Variants in ZFHX3 observed in about 807,000 individuals in gnomAD.
ZFHX3 encodes the protein zinc finger homeobox 3.
Under a neutral mutation model 279.1 loss-of-function variants are expected in ZFHX3, and 42 were observed. The ratio of observed to expected loss-of-function variants is 0.15; its 90% confidence interval spans 0.12 to 0.19. The LOEUF (loss-of-function observed/expected upper bound fraction) is 0.19, where lower values mean the gene tolerates loss of function less well. ZFHX3 is among the 10% of genes least tolerant of loss of function. The pLI is 1.00. For missense variants in ZFHX3, 4,981 were observed against 4,754.0 expected (o/e 1.05, Z -1.40); for synonymous variants, 2,293 against 1,957.8 (o/e 1.17, Z -4.52).
intron 5 of ZFHX3, among the ~76,000 whole-genome samples, chr16:73,192,827 C>T (rs1373092930): frequency 1.3e-5 from 2 of 152,168 alleles, no homozygotes; most frequent in African/African-American, 4.8e-5. Flanking sequence ...CATTTCCTTC[C>T]CTCTCCTTTT....
At chr16:73,593,992 C>T (rs1255572160) in intron 2 of ZFHX3, among the ~76,000 whole-genome samples, 2 of 152,088 alleles carry the variant, frequency 1.3e-5, no homozygotes, top group African/African-American at 2.4e-5. Context: ...AGAACGGGTA[C>T]CCACTCTTGT....
intron 2 of ZFHX3, chr16:73,679,868 A>G (rs1222213586): frequency 2.6e-5 from 4 of 152,230 alleles, no homozygotes; most frequent in Non-Finnish European, 5.9e-5. Flanking sequence ...CTACCCACCA[A>G]CAAAATCTTT....
chr16:73,031,110 C>A (rs1567641586), intron 1 of ZFHX3, among the ~76,000 whole-genome samples: 1 of 152,118 alleles, frequency 6.6e-6, no homozygotes, highest in South Asian at 2.1e-4. Context: ...CCCAATACTC[C>A]CAAGAGGTCA....
At chr16:73,508,762 T>A (rs1361584524) in intron 2 of ZFHX3, among the ~76,000 whole-genome samples, 1 of 152,204 alleles carries the variant, frequency 6.6e-6, no homozygotes, top group Non-Finnish European at 1.5e-5. Flanking sequence ...ATGAATACTG[T>A]GACTTAGTGA....
intron 6 of ZFHX3, among the ~76,000 whole-genome samples, chr16:73,142,415 T>C (rs369946245): frequency 2.0e-5 from 3 of 152,342 alleles, no homozygotes; most frequent in African/African-American, 7.2e-5. Flanking sequence ...AGAAGAACTG[T>C]TACCTTTGAA....
At position 72,807,524 on chromosome 16, in the gene ZFHX3, C is replaced by T. The variant is rs533248867; in HGVS notation, c.3864+4053G>A. 3.3e-5 allele frequency: 5 copies of T among 152,320 alleles called. No homozygotes were observed. The East Asian group carries it at 9.7e-4, about 29-fold the overall frequency. The allele number at this position is 152,320 out of a possible 1,614,324, so 9.4% of individuals were successfully genotyped here. A position where few individuals can be genotyped will look rare whatever the true frequency, so the allele number is the denominator to read the frequency against. On this transcript the variant is annotated intron_variant, in intron 7 of 9. Transcript: ENST00000268489. Reference sequence around the variant, plus strand: ...ACCATAGCAACAGACATATTAGACACTGCAGGTTCCTGAAAGCTGTCTGAT... The same window carrying T: ...ACCATAGCAACAGACATATTAGACATTGCAGGTTCCTGAAAGCTGTCTGAT...
chr16:73,733,007 G>C (rs1426655646), intron 1 of ZFHX3, among the ~76,000 whole-genome samples: 1 of 152,122 alleles, frequency 6.6e-6, no homozygotes, highest in Non-Finnish European at 1.5e-5. Flanking sequence ...AAGATCTACA[G>C]CAGTTTATTT....
chr16:73,176,362 G>A (rs71388959), intron 5 of ZFHX3, among the ~76,000 whole-genome samples: 3,241 of 152,256 alleles, frequency 0.021, 51 homozygotes, highest in Middle Eastern at 0.031. Flanking sequence ...CTACCTGAAA[G>A]TCTCAAGTGA....
chr16:72,895,071 G>T (rs1315144212), intron 3 of ZFHX3, among the ~76,000 whole-genome samples: 6 of 152,186 alleles, frequency 3.9e-5, no homozygotes, highest in South Asian at 4.1e-4. Context: ...CCATTTGGCG[G>T]GGGTTTGTTT....
intron 2 of ZFHX3, among the ~76,000 whole-genome samples, chr16:73,566,789 C>G (rs1418564652): frequency 1.3e-5 from 2 of 151,648 alleles, no homozygotes; most frequent in Admixed American, 6.6e-5. Context: ...ACCTCTGCCT[C>G]CCAGGTTCAA....
chr16:73,789,729 A>T (rs1470416538), intron 1 of ZFHX3, among the ~76,000 whole-genome samples: 1 of 152,164 alleles, frequency 6.6e-6, no homozygotes, highest in Non-Finnish European at 1.5e-5. Flanking sequence ...GTATCCAGTC[A>T]ACAGAATGTG....
intron 4 of ZFHX3, among the ~76,000 whole-genome samples, chr16:73,297,592 T>G (rs1451168107): frequency 6.6e-6 from 1 of 152,034 alleles, no homozygotes; most frequent in Non-Finnish European, 1.5e-5. Context: ...ACCTGCTTGC[T>G]TTAGCATGCA....
chr16:72,845,531 C>T (rs992084265), intron 4 of ZFHX3, among the ~76,000 whole-genome samples: 1 of 152,184 alleles, frequency 6.6e-6, no homozygotes, highest in Non-Finnish European at 1.5e-5. Context: ...CAACTCACAT[C>T]ACTGCCCCAC....
At chr16:73,262,996 C>T (rs941973500) in intron 4 of ZFHX3, among the ~76,000 whole-genome samples, 5 of 152,230 alleles carry the variant, frequency 3.3e-5, no homozygotes, top group Admixed American at 1.3e-4. Flanking sequence ...AGAAACCCAC[C>T]GAGTTGGTTC....
chr16:73,774,601 G>A (rs1239620998), intron 1 of ZFHX3, among the ~76,000 whole-genome samples: 1 of 152,192 alleles, frequency 6.6e-6, no homozygotes, highest in Non-Finnish European at 1.5e-5. Context: ...ACCCCCCAAA[G>A]ATGGTGCCAT....
rs543912401 is a variant in ZFHX3 at position 73,660,964 on chromosome 16, A to G, written c.-1547+19216T>C. Among the ~76,000 whole-genome samples, 8 of 152,320 alleles carry G rather than the reference A, an allele frequency of 5.3e-5. No homozygotes were observed. The East Asian group carries it at 1.5e-3, about 29-fold the overall frequency. On this transcript the variant is annotated intron_variant, in intron 2 of 17. Coordinates refer to the ZFHX3 transcript ENST00000641206. ...CTACACGTATCTACTGACCAGTTAGAGGGTGAATTGCATACCCATATCTAC... is the reference window on the plus strand; with the variant it reads ...CTACACGTATCTACTGACCAGTTAGGGGGTGAATTGCATACCCATATCTAC...
chr16:73,326,810 A>G (rs866893963), intron 3 of ZFHX3, among the ~76,000 whole-genome samples: 6 of 152,232 alleles, frequency 3.9e-5, no homozygotes, highest in East Asian at 3.8e-4. Flanking sequence ...ACCTGAAGCT[A>G]TAGCCCCTAT....
intron 2 of ZFHX3, among the ~76,000 whole-genome samples, chr16:73,490,702 G>A (rs992426659): frequency 5.3e-5 from 8 of 152,136 alleles, no homozygotes; most frequent in African/African-American, 1.9e-4. Context: ...GCCAAGCGTG[G>A]TGGCACGTGC....
In ZFHX3 at chr16:73,177,734, G is replaced by A. The variant is rs563626578; in HGVS notation, c.-1103-33903C>T. 1.3e-5 allele frequency among the ~76,000 whole-genome samples: 2 copies of A among 152,342 alleles called. 1 individual carries two copies. The highest frequency in any genetic ancestry group is 4.1e-4 in the South Asian group (2 of 4,830). On this transcript the variant is annotated intron_variant, in intron 5 of 17. Coordinates refer to the ZFHX3 transcript ENST00000641206. ...ATTTAACTGAACAAAGAAAGTAAAT[G>A]TTGATTGTGTTTCTACTACATATAA... is the stretch of plus-strand genomic sequence containing the variant.
Sources: gnomAD v4.1 joint callset for allele counts (sites outside exome capture counted in the v4.1 genomes callset) on GRCh38, gnomAD v4.1.1 for gene constraint, MANE v1.5 for transcripts, NCBI Gene and HGNC (gene_info 2026-07-23, HGNC 2026-07-21) for gene names.